The following PRKG1 variants were observed in gnomAD, a reference collection of about 807,000 sequenced individuals.
PRKG1 encodes protein kinase cGMP-dependent 1.
PRKG1 carries 35 observed loss-of-function variants against 88.1 expected under a neutral mutation model. The ratio of observed to expected loss-of-function variants is 0.40; its 90% CI spans 0.30 to 0.53. The LOEUF is 0.53. PRKG1 is among the 20% of genes least tolerant of loss of function. PRKG1 has a pLI of 0.59. For synonymous variants in PRKG1, 303 were observed against 292.5 expected (o/e 1.04, Z -0.37); for missense variants, 540 against 839.8 (o/e 0.64, Z 4.41).
chr10:51,658,577 GAA>G (rs138207238), intron 3 of PRKG1, among the ~76,000 whole-genome samples: 27 of 145,232 alleles, frequency 1.9e-4, no homozygotes, highest in Non-Finnish European at 3.5e-4. Flanking sequence ...TGCTGTGAGG[GAA>G]AAAAAAAAAA....
At chr10:51,406,019 G>A (rs1837901159) in intron 2 of PRKG1, among the ~76,000 whole-genome samples, 1 of 152,134 alleles carries the variant, frequency 6.6e-6, no homozygotes, top group Non-Finnish European at 1.5e-5. Context: ...TAAGGCCCGT[G>A]GAGTGCCCTG....
At chr10:51,881,032 G>T (rs976570978) in intron 4 of PRKG1, among the ~76,000 whole-genome samples, 2 of 151,112 alleles carry the variant, frequency 1.3e-5, no homozygotes, top group Non-Finnish European at 2.9e-5. Context: ...GAAAAGGGGG[G>T]CAGATAGTAT....
intron 3 of PRKG1, among the ~76,000 whole-genome samples, chr10:51,562,415 T>G (rs1343835597): frequency 1.3e-5 from 2 of 152,084 alleles, no homozygotes; most frequent in South Asian, 2.1e-4. Flanking sequence ...AATTGTGAGG[T>G]TCTGTTACTC....
At chr10:52,179,067 T>C (rs775732352) in intron 9 of PRKG1, among the ~76,000 whole-genome samples, 1 of 152,160 alleles carries the variant, frequency 6.6e-6, no homozygotes, top group Non-Finnish European at 1.5e-5. Context: ...CTTGTTGTTT[T>C]GTATATCCTT....
chr10:51,268,447 C>T (rs1388509447), intron 2 of PRKG1, among the ~76,000 whole-genome samples: 1 of 152,022 alleles, frequency 6.6e-6, no homozygotes, highest in Non-Finnish European at 1.5e-5. Context: ...ATTTCAGAGG[C>T]CTACCCTCAG....
At chr10:51,092,317 G>A (rs992441312) in intron 1 of PRKG1, among the ~76,000 whole-genome samples, 7 of 152,180 alleles carry the variant, frequency 4.6e-5, no homozygotes, top group African/African-American at 9.7e-5. Flanking sequence ...TGATGATTTC[G>A]TGAAGAAAGT....
chr10:51,492,189 G>A (rs1256743628), intron 3 of PRKG1, among the ~76,000 whole-genome samples: 3 of 152,166 alleles, frequency 2.0e-5, no homozygotes, highest in Non-Finnish European at 4.4e-5. Context: ...TTTTGAGCTG[G>A]ATAGATGACA....
intron 5 of PRKG1, among the ~76,000 whole-genome samples, chr10:52,018,911 G>A (rs1473012302): frequency 6.6e-6 from 1 of 152,162 alleles, no homozygotes; most frequent in African/African-American, 2.4e-5. Flanking sequence ...TGAAAGTTAG[G>A]ATCTGTCTTT....
chr10:51,906,107 A>G (rs1236596558), intron 4 of PRKG1, among the ~76,000 whole-genome samples: 1 of 152,152 alleles, frequency 6.6e-6, no homozygotes, highest in Admixed American at 6.6e-5. Context: ...GCAGATCTGA[A>G]TGCATCATCA....
chr10:51,302,832 TATAA>T (rs1170049451), intron 2 of PRKG1: 1 of 152,228 alleles, frequency 6.6e-6, no homozygotes, highest in Non-Finnish European at 1.5e-5. Flanking sequence ...ATAGTAAGTC[TATAA>T]AGAAGGTACT....
chr10:51,393,101 A>G lies in PRKG1; in HGVS notation c.479-74622A>G, dbSNP rs149916509. 3.7e-3 allele frequency among the ~76,000 whole-genome samples: 304 copies of G among 81,132 alleles called. 4 individuals carry two copies. Among genetic ancestry groups the G allele is most frequent in the African/African-American group, 8.1e-3 (120 of 14,786 alleles). The allele number at this position is 81,132 out of a possible 152,430, so 53.2% of individuals were successfully genotyped here. A position where few individuals can be genotyped will look rare whatever the true frequency, so the allele number is the denominator to read the frequency against. ...GGCGGAGGGGCTCCTCACTTCTCAG[A>G]CGGGGCGGTTGCCGGGCGGAGGGTC... On this transcript the variant is annotated intron_variant, in intron 2 of 17. Coordinates refer to ENST00000373980, the MANE Select transcript of PRKG1 (RefSeq NM_006258.4).
intron 3 of PRKG1, among the ~76,000 whole-genome samples, chr10:51,504,714 T>C (rs1841142849): frequency 6.6e-6 from 1 of 152,168 alleles, no homozygotes; most frequent in African/African-American, 2.4e-5. Flanking sequence ...TTCCTAGGTA[T>C]TTTATTCTCT....
chr10:51,981,956 T>C (rs1844021286), intron 5 of PRKG1, among the ~76,000 whole-genome samples: 1 of 152,108 alleles, frequency 6.6e-6, no homozygotes, highest in Admixed American at 6.5e-5. Flanking sequence ...CACCAGTGAG[T>C]TGTGGATTTG....
chr10:51,170,437 T>TACACAC (rs56159895), intron 2 of PRKG1, among the ~76,000 whole-genome samples: 58 of 144,668 alleles, frequency 4.0e-4, no homozygotes, highest in African/African-American at 7.1e-4. Flanking sequence ...TGTCTGGGTA[T>TACACAC]ACACACACAC....
chr10:51,777,867 G>T (rs941921299), intron 3 of PRKG1, among the ~76,000 whole-genome samples: 1 of 152,074 alleles, frequency 6.6e-6, no homozygotes, highest in Non-Finnish European at 1.5e-5. Flanking sequence ...ATAGTACATA[G>T]CCTTTTCAGA....
At chr10:52,212,495 C>T (rs1205525371) in intron 9 of PRKG1, among the ~76,000 whole-genome samples, 2 of 152,056 alleles carry the variant, frequency 1.3e-5, no homozygotes, top group Non-Finnish European at 2.9e-5. Flanking sequence ...TTTTTCTTCC[C>T]TGTTCCTTGA....
intron 2 of PRKG1, among the ~76,000 whole-genome samples, chr10:51,168,447 A>G (rs1322164376): frequency 6.6e-6 from 1 of 152,148 alleles, no homozygotes; most frequent in Non-Finnish European, 1.5e-5. Flanking sequence ...TAGATTTATT[A>G]TTATTTTTAA....
intron 3 of PRKG1, among the ~76,000 whole-genome samples, chr10:51,585,108 C>T (rs999778454): frequency 2.6e-5 from 4 of 151,862 alleles, no homozygotes; most frequent in African/African-American, 9.7e-5. Flanking sequence ...ATAAACTTAA[C>T]ATGAGATGTA....
chr10:51,593,599 C>T (rs1838366080), intron 3 of PRKG1, among the ~76,000 whole-genome samples: 1 of 152,088 alleles, frequency 6.6e-6, no homozygotes, highest in African/African-American at 2.4e-5. Flanking sequence ...AGGGAGCCAT[C>T]TTTGAAAAAT....
Sources: allele counts gnomAD v4.1 joint callset (sites outside exome capture counted in the v4.1 genomes callset), GRCh38; gene constraint gnomAD v4.1.1; transcripts MANE v1.5; gene names NCBI Gene and HGNC (gene_info 2026-07-23, HGNC 2026-07-21).